The following NELL1 variants were observed in gnomAD, a reference collection of about 807,000 sequenced individuals.
The protein encoded by NELL1 is neural EGFL like 1.
A neutral mutation model predicts 107.4 loss-of-function variants in NELL1; 76 were observed. The ratio of observed to expected loss-of-function variants is 0.71; its 90% CI spans 0.59 to 0.86. The LOEUF (loss-of-function observed/expected upper bound fraction) is 0.86. NELL1 is among the 40% of genes least tolerant of loss of function. The pLI, the probability that NELL1 is intolerant of heterozygous loss-of-function variation, is 0.00. For missense variants in NELL1, 1,024 were observed against 1,005.5 expected, an observed-to-expected ratio of 1.02 and a Z score of -0.25; for synonymous variants, 353 against 341.2, an observed-to-expected ratio of 1.03 and a Z score of -0.38.
chr11:21,331,702 G>A (rs533937351), intron 14 of NELL1, among the ~76,000 whole-genome samples: 1 of 152,200 alleles, frequency 6.6e-6, no homozygotes, highest in South Asian at 2.1e-4. Flanking sequence ...CTTTGCAGAA[G>A]TTTTTTGAGG....
intron 2 of NELL1, among the ~76,000 whole-genome samples, chr11:20,779,266 G>C (rs1169840016): frequency 6.6e-6 from 1 of 152,134 alleles, no homozygotes; most frequent in African/African-American, 2.4e-5. Context: ...TTCTGAAGGT[G>C]GCATGATACG....
intron 15 of NELL1, among the ~76,000 whole-genome samples, chr11:21,385,770 G>T (rs1437103035): frequency 6.6e-6 from 1 of 151,848 alleles, no homozygotes; most frequent in Non-Finnish European, 1.5e-5. Context: ...TAGCATCAAT[G>T]ACTCGCTCCG....
intron 2 of NELL1, among the ~76,000 whole-genome samples, chr11:20,724,742 T>A (rs1855470480): frequency 6.6e-6 from 1 of 152,214 alleles, no homozygotes; most frequent in African/African-American, 2.4e-5. Flanking sequence ...CATCTTCCCA[T>A]TACCCAGTTC....
At chr11:20,874,517 T>G (rs1231396342) in intron 4 of NELL1, among the ~76,000 whole-genome samples, 1 of 152,242 alleles carries the variant, frequency 6.6e-6, no homozygotes, top group Admixed American at 6.5e-5. Context: ...CAATTGAGTA[T>G]AGCAATGCTT....
Position 20,937,634 on chromosome 11 carries a change from A to T in NELL1, c.998-152A>T, listed in dbSNP as rs947157463. ...CTGGGAGATTTAAGGGTTATCCTCC[A>T]CACAATTCCTTTCACTTTAGACAAA... On this transcript the variant is annotated intron_variant, in intron 9 of 19. Transcript: ENST00000357134. The T allele has an allele frequency of 9.5e-6, 6 of 630,104 alleles. No individual in the cohort carries two copies. The Admixed American group carries it at 1.3e-4, about 14-fold the overall frequency. 39.0% of individuals were successfully genotyped at this position (630,104 alleles called of 1,614,324 possible). A position where few individuals can be genotyped will look rare whatever the true frequency, so the allele number is the denominator to read the frequency against.
intron 15 of NELL1, among the ~76,000 whole-genome samples, chr11:21,476,999 C>A (rs1463727171): frequency 6.6e-6 from 1 of 152,100 alleles, no homozygotes; most frequent in African/African-American, 2.4e-5. Flanking sequence ...TCTCTGGTGT[C>A]CTAAATAAAC....
At chr11:21,070,127 G>GTT (rs780612041) in intron 12 of NELL1, among the ~76,000 whole-genome samples, 7 of 146,044 alleles carry the variant, frequency 4.8e-5, no homozygotes, top group South Asian at 4.3e-4. Flanking sequence ...CTCCAAGGCT[G>GTT]TTTTTTTTTT....
At chr11:21,422,211 C>A (rs1254570532) in intron 15 of NELL1, among the ~76,000 whole-genome samples, 3 of 151,990 alleles carry the variant, frequency 2.0e-5, no homozygotes, top group Non-Finnish European at 4.4e-5. Flanking sequence ...CCCTGCCCTG[C>A]AGGAAATCTT....
intron 12 of NELL1, among the ~76,000 whole-genome samples, chr11:20,976,021 C>T (rs1452738344): frequency 7.3e-6 from 1 of 137,250 alleles, no homozygotes; most frequent in Non-Finnish European, 1.5e-5. Flanking sequence ...TATATCTGTA[C>T]ATATATGTAT....
intron 12 of NELL1, among the ~76,000 whole-genome samples, chr11:21,062,425 G>A (rs934585591): frequency 6.6e-6 from 1 of 152,128 alleles, no homozygotes; most frequent in Non-Finnish European, 1.5e-5. Flanking sequence ...TTCTCCCTTA[G>A]ATCTAAGCCA....
chr11:21,219,113 C>A (rs1285841603), intron 13 of NELL1, among the ~76,000 whole-genome samples: 1 of 152,220 alleles, frequency 6.6e-6, no homozygotes, highest in Admixed American at 6.5e-5. Flanking sequence ...TGTATGAGTT[C>A]TCTTTTCTCT....
chr11:21,148,185 C>T (rs1856029908), intron 13 of NELL1, among the ~76,000 whole-genome samples: 2 of 152,140 alleles, frequency 1.3e-5, no homozygotes, highest in South Asian at 2.1e-4. Context: ...ACACATAAAC[C>T]ATTCAGAAAA....
chr11:20,945,848 G>A (rs1457649312), intron 10 of NELL1, among the ~76,000 whole-genome samples: 2 of 152,116 alleles, frequency 1.3e-5, no homozygotes, highest in African/African-American at 4.8e-5. Context: ...TGCAAAGTGG[G>A]GCAGAGTGAG....
chr11:20,992,303 A>G (rs912097866), intron 12 of NELL1, among the ~76,000 whole-genome samples: 4 of 152,210 alleles, frequency 2.6e-5, no homozygotes, highest in African/African-American at 7.2e-5. Flanking sequence ...AATTCGTTAC[A>G]TATTTCACTG....
intron 15 of NELL1, among the ~76,000 whole-genome samples, chr11:21,380,563 C>G (rs543904230): frequency 6.6e-6 from 1 of 151,968 alleles, no homozygotes; most frequent in East Asian, 1.9e-4. Context: ...TTTCTTCTTT[C>G]TTGAATGACA....
chr11:21,209,890 A>AT lies in NELL1; in HGVS notation c.1427-19440dup, dbSNP rs1857464346. 2.0e-5 allele frequency among the ~76,000 whole-genome samples: 3 copies of AT among 152,178 alleles called. No homozygotes were observed. In the South Asian group the frequency reaches 6.2e-4, roughly 32 times the overall value. On this transcript the variant is annotated intron_variant, in intron 13 of 19. Transcript: ENST00000357134. ...TGATACTCCTTAATAATCATTACCC[A>AT]TTCTGCTGAGCTTAACCCTTGATAA...
At chr11:20,918,716 T>C (rs1421248534) in intron 6 of NELL1, among the ~76,000 whole-genome samples, 1 of 152,006 alleles carries the variant, frequency 6.6e-6, no homozygotes, top group Non-Finnish European at 1.5e-5. Context: ...CATGATTCAA[T>C]TATTTCCAAC....
intron 11 of NELL1, among the ~76,000 whole-genome samples, chr11:20,957,372 T>A (rs1851196875): frequency 6.6e-6 from 1 of 152,154 alleles, no homozygotes; most frequent in Non-Finnish European, 1.5e-5. Flanking sequence ...TAGTTGAAAG[T>A]CATCTTGGGT....
chr11:21,144,932 C>T (rs1246000991), intron 13 of NELL1, among the ~76,000 whole-genome samples: 2 of 152,116 alleles, frequency 1.3e-5, no homozygotes, highest in African/African-American at 4.8e-5. Context: ...TGATGGGAAT[C>T]ATCACATATT....
Sources: gnomAD v4.1 joint callset for allele counts (sites outside exome capture counted in the v4.1 genomes callset) on GRCh38, gnomAD v4.1.1 for gene constraint, MANE v1.5 for transcripts, NCBI Gene and HGNC (gene_info 2026-07-23, HGNC 2026-07-21) for gene names.